MTFR1: variants seen among roughly 807,000 people sequenced by gnomAD.
The protein encoded by MTFR1 is mitochondrial fission regulator 1, also known as chondrocyte protein with a poly-proline region.
In MTFR1, 28 loss-of-function variants were observed where a neutral mutation model predicts 38.8. The observed-to-expected ratio is 0.72, with a 90% CI of 0.53 to 0.99. The LOEUF (loss-of-function observed/expected upper bound fraction) is 0.99, where lower values mean the gene tolerates loss of function less well. MTFR1 is among the 50% of genes least tolerant of loss of function. The pLI is 0.00. For synonymous variants in MTFR1, 145 were observed against 137.0 expected (o/e 1.06, Z -0.41); for missense variants, 358 against 395.5 (o/e 0.91, Z 0.81).
At chr8:65,745,242 C>T (rs182765936) in intron 3 of MTFR1, among the ~76,000 whole-genome samples, 22 of 152,314 alleles carry the variant, frequency 1.4e-4, no homozygotes, top group African/African-American at 4.8e-4. Context: ...ATTACCCAGT[C>T]TCGGGTATGT....
At chr8:65,741,117 T>C (rs1005057367) in intron 3 of MTFR1, among the ~76,000 whole-genome samples, 2 of 152,250 alleles carry the variant, frequency 1.3e-5, no homozygotes, top group South Asian at 4.1e-4. Flanking sequence ...CCTCCTATTA[T>C]ACTTCTCAGT....
At chr8:65,655,970 C>CTATATAT (rs1809252480) in intron 1 of MTFR1, among the ~76,000 whole-genome samples, 5 of 53,636 alleles carry the variant, frequency 9.3e-5, no homozygotes, top group African/African-American at 5.1e-4. Context: ...ATATATATAC[C>CTATATAT]ATATATATAT....
At chr8:65,753,627 TG>T (rs943256361) in intron 3 of MTFR1, among the ~76,000 whole-genome samples, 1 of 152,170 alleles carries the variant, frequency 6.6e-6, no homozygotes, top group African/African-American at 2.4e-5. Flanking sequence ...GAGTACTCTG[TG>T]TCTGTTACCT....
intron 5 of MTFR1, 93 bp from the exon 6 acceptor site, chr8:65,706,917 A>C: frequency 7.2e-7 from 1 of 1,395,520 alleles, no homozygotes; most frequent in East Asian, 2.3e-5. Context: ...TTTTAGGGGT[A>C]CAAAAATCTT....
Position 65,730,368 on chromosome 8 carries a change from C to G in MTFR1, c.*48+10887C>G, listed in dbSNP as rs551165054. 6.0e-5 allele frequency among the ~76,000 whole-genome samples: 9 copies of G among 150,430 alleles called. No individual in the cohort carries two copies. The East Asian group carries it at 1.0e-3, about 17-fold the overall frequency. ...GCTAATTTTGTATTTTTAGTAGAGA[C>G]AGGGTTTCTCCATGTTGGTCAGGCT... On this transcript the variant is annotated intron_variant, in intron 3 of 3. Coordinates refer to the MTFR1 transcript ENST00000521247.
At chr8:65,715,131 C>T (rs1806080278), downstream of MTFR1, among the ~76,000 whole-genome samples, 1 of 152,088 alleles carries the variant, frequency 6.6e-6, no homozygotes, top group South Asian at 2.1e-4. Context: ...ATAAATTTTG[C>T]ATTCTGTTCT....
At chr8:65,730,168 CTTCTTTTTTTT>C (rs1806799321) in intron 3 of MTFR1, among the ~76,000 whole-genome samples, 1 of 31,670 alleles carries the variant, frequency 3.2e-5, no homozygotes, top group Non-Finnish European at 5.8e-5. Flanking sequence ...AGGTTGCGCA[CTTCTTTTTTTT>C]TTTTTTTTTT....
In MTFR1 at chr8:65,678,235, C is replaced by T. The variant is rs180996308; in HGVS notation, c.67-4118C>T. On this transcript the variant is annotated intron_variant, in intron 2 of 7. Transcript: ENST00000262146. ...ATGCACAGATGGTGACTTTTCAGTA[C>T]CATCTGTTCACTGTTTCTGTACAGC... 4.5e-4 allele frequency among the ~76,000 whole-genome samples: 68 copies of T among 152,178 alleles called. 1 individual carries two copies. The highest frequency in any genetic ancestry group is 3.2e-3 in the Admixed American group (49 of 15,266).
chr8:65,724,681 T>A, intron 3 of MTFR1: 1 of 1,086,728 alleles, frequency 9.2e-7, no homozygotes, highest in East Asian at 2.5e-5. Context: ...CCTCAAGATT[T>A]AACCATTCTG....
chr8:65,662,269 C>T (rs566047725), intron 1 of MTFR1, among the ~76,000 whole-genome samples: 64 of 152,180 alleles, frequency 4.2e-4, no homozygotes, highest in African/African-American at 1.3e-3. Flanking sequence ...GATTGGTTTT[C>T]GTATTTTTTT....
In MTFR1 at chr8:65,682,360, G is replaced by C; in HGVS notation, c.74G>C (p.Trp25Ser). 1 of 1,553,676 alleles carries C rather than the reference G, an allele frequency of 6.4e-7. No homozygotes were observed. Among genetic ancestry groups the C allele is most frequent in the Non-Finnish European group, 8.7e-7 (1 of 1,148,222 alleles). ...QVGVSMQSVL[W>S]SRKPYGSSRS... ...TTTTTCCTACTTCCTCAGGTACTTT[G>C]GTCTAGGAAGCCATATGGTTCGTCT... Residue 25 changes from tryptophan to serine, a missense_variant, in exon 3 of 8, where the codon TGG (tryptophan) becomes TCG (serine). Transcript: ENST00000262146.
chr8:65,660,142 T>C (rs1430465319), intron 1 of MTFR1, among the ~76,000 whole-genome samples: 1 of 151,936 alleles, frequency 6.6e-6, no homozygotes, highest in South Asian at 2.1e-4. Flanking sequence ...ATACAAAAAA[T>C]TAGCCAGGCA....
intron 1 of MTFR1, among the ~76,000 whole-genome samples, chr8:65,669,021 C>T (rs1327054091): frequency 6.6e-6 from 1 of 152,142 alleles, no homozygotes; most frequent in Non-Finnish European, 1.5e-5. Flanking sequence ...TATTAAAAGA[C>T]TTTATTCATT....
downstream of MTFR1, among the ~76,000 whole-genome samples, chr8:65,771,761 G>C (rs1420467180): frequency 6.6e-6 from 1 of 151,760 alleles, no homozygotes; most frequent in Non-Finnish European, 1.5e-5. Flanking sequence ...TGTAATCCCA[G>C]CTACTTGGGA....
intron 3 of MTFR1, among the ~76,000 whole-genome samples, chr8:65,730,171 C>CTTCTTTTTTTTTTTTTTTTTTT (rs1295965698): frequency 4.6e-5 from 4 of 86,448 alleles, no homozygotes; most frequent in Admixed American, 1.4e-4. Flanking sequence ...TTGCGCACTT[C>CTTCTTTTTTTTTTTTTTTTTTT]TTTTTTTTTT....
At chr8:65,769,954 G>A (rs1043939934) in intron 3 of MTFR1, among the ~76,000 whole-genome samples, 2 of 151,822 alleles carry the variant, frequency 1.3e-5, no homozygotes, top group Non-Finnish European at 2.9e-5. Flanking sequence ...GTATAAACCC[G>A]TGATTTTTAA....
At chr8:65,689,161 A>G (rs1479094359) in intron 3 of MTFR1, among the ~76,000 whole-genome samples, 1 of 152,176 alleles carries the variant, frequency 6.6e-6, no homozygotes, top group East Asian at 1.9e-4. Context: ...AAACAAACAA[A>G]GAATCCGTGT....
intron 1 of MTFR1, among the ~76,000 whole-genome samples, chr8:65,652,213 TCTCGTAC>T (rs1343922763): frequency 6.6e-6 from 1 of 152,080 alleles, no homozygotes; most frequent in Non-Finnish European, 1.5e-5. Context: ...TTCAAGCAAC[TCTCGTAC>T]CTCAACCTCC....
At chr8:65,760,548 A>C (rs1563493358) in intron 3 of MTFR1, among the ~76,000 whole-genome samples, 2 of 152,226 alleles carry the variant, frequency 1.3e-5, no homozygotes, top group Non-Finnish European at 2.9e-5. Flanking sequence ...AAAGAAAATT[A>C]GAGAGATTTC....
Sources: gnomAD v4.1 joint callset for allele counts (sites outside exome capture counted in the v4.1 genomes callset) on GRCh38, gnomAD v4.1.1 for gene constraint, MANE v1.5 for transcripts, NCBI Gene and HGNC (gene_info 2026-07-23, HGNC 2026-07-21) for gene names.